The following GTF3C2 variants were observed in gnomAD, a reference collection of about 807,000 sequenced individuals.
GTF3C2 encodes general transcription factor IIIC subunit 2, also known as general transcription factor 3C polypeptide 2.
Under a neutral mutation model 117.4 loss-of-function variants are expected in GTF3C2, and 17 were observed. That is an observed-to-expected ratio of 0.14 (90% confidence interval 0.10 to 0.22). The LOEUF is 0.22. Ranked by LOEUF, GTF3C2 falls within the 10% of genes least tolerant of loss-of-function variation. GTF3C2 has a pLI of 1.00. For missense variants in GTF3C2, 888 were observed against 1,143.6 expected (o/e 0.78, Z 3.22); for synonymous variants, 437 against 427.0 (o/e 1.02, Z -0.29).
At chr2:27,333,222 G>A (rs946234669) in intron 12 of GTF3C2, among the ~76,000 whole-genome samples, 25 of 145,600 alleles carry the variant, frequency 1.7e-4, no homozygotes, top group Non-Finnish European at 2.8e-4. Context: ...GTGCAGGGGT[G>A]TGATCTTGGC....
intron 1 of GTF3C2, among the ~76,000 whole-genome samples, chr2:27,349,903 G>T (rs1391390433): frequency 1.3e-5 from 2 of 152,060 alleles, no homozygotes; most frequent in Non-Finnish European, 1.5e-5. Flanking sequence ...GTTTCCCAAA[G>T]TGCTGGGATT....
At position 27,335,346 on chromosome 2, in the gene GTF3C2, A is replaced by T. The variant is rs770171354; in HGVS notation, c.1576+252T>A. Reference sequence around the variant, plus strand: ...AGTTACCTGTGGCAGCAAGAGGGGGAAAGTCTTGAGAGCACAGAAGAGGGA... The same window carrying T: ...AGTTACCTGTGGCAGCAAGAGGGGGTAAGTCTTGAGAGCACAGAAGAGGGA... On this transcript the variant is annotated intron_variant, in intron 10 of 18. Coordinates refer to ENST00000264720, the Ensembl canonical transcript of GTF3C2. The T allele has an allele frequency of 8.0e-6, 5 of 623,342 alleles. No individual in the cohort carries two copies. In the Admixed American group the frequency reaches 1.1e-4, roughly 13 times the overall value. The allele number at this position is 623,342 out of a possible 1,614,324, so 38.6% of individuals were successfully genotyped here. A position where few individuals can be genotyped will look rare whatever the true frequency, so the allele number is the denominator to read the frequency against.
chr2:27,341,262 C>T (rs1316167964), intron 4 of GTF3C2, among the ~76,000 whole-genome samples: 2 of 151,024 alleles, frequency 1.3e-5, no homozygotes, highest in East Asian at 4.0e-4. Context: ...TCTCAAACTC[C>T]TGACCTCGGG....
intron 12 of GTF3C2, 137 bp downstream of exon 12, chr2:27,333,517 AT>A (rs375899425): frequency 0.18 from 86,135 of 472,766 alleles, 43 homozygotes; most frequent in South Asian, 0.22. Flanking sequence ...ATTTCTTTCT[AT>A]TTTTTTTTTT....
chr2:27,350,948 CAA>C (rs1179397836), intron 1 of GTF3C2, among the ~76,000 whole-genome samples: 45 of 97,272 alleles, frequency 4.6e-4, no homozygotes, highest in Middle Eastern at 6.1e-3. Context: ...GACTCCATCT[CAA>C]AAAAAAAAAA....
At chr2:27,327,049 T>G in intron 18 of GTF3C2, 128 bp downstream of exon 18, 1 of 671,776 alleles carries the variant, frequency 1.5e-6, no homozygotes. Context: ...GTGAATGAGG[T>G]ACGTCTGTCA....
intron 1 of GTF3C2, among the ~76,000 whole-genome samples, chr2:27,349,139 ATTTGAT>A (rs545450704): frequency 0.38 from 47,179 of 125,610 alleles, 8,243 homozygotes; most frequent in Admixed American, 0.42. Flanking sequence ...GCCCAGCCTG[ATTTGAT>A]TTTTTTTTTT....
exon 10 of GTF3C2, chr2:27,335,617 C>T (rs1680438020): frequency 1.3e-6 from 2 of 1,550,948 alleles, no homozygotes; most frequent in Non-Finnish European, 8.7e-7. Context: ...GCTGAGCCAG[C>T]AGGGCCTCCG....
chr2:27,325,945 T>C (rs1183628533), exon 19 of GTF3C2: 9 of 200,816 alleles, frequency 4.5e-5, no homozygotes, highest in African/African-American at 2.1e-4. Flanking sequence ...ACAGGGAAGA[T>C]GACTAGATTT....
rs750307991 is a variant in GTF3C2 at position 27,343,304 on chromosome 2, A to G, written c.247+4T>C. 5 of 1,613,676 alleles carry G rather than the reference A, an allele frequency of 3.1e-6. No individual in the cohort carries two copies. The East Asian group carries it at 1.1e-4, about 36-fold the overall frequency. ...ATAAAAAGATAAGAGGACAAGGTAC[A>G]TACCTGGCTGTTCCAGTCTGGAGAG... On this transcript the variant is annotated splice_donor_region_variant and intron_variant, in intron 2 of 18. Coordinates refer to ENST00000264720, the Ensembl canonical transcript of GTF3C2.
intron 1 of GTF3C2, among the ~76,000 whole-genome samples, chr2:27,351,103 C>A (rs919105883): frequency 6.6e-6 from 1 of 151,760 alleles, no homozygotes; most frequent in African/African-American, 2.4e-5. Flanking sequence ...CAGAGCAAGA[C>A]CCTGTATCTA....
intron 9 of GTF3C2, 105 bp downstream of exon 9, chr2:27,335,812 C>T (rs1680447344): frequency 9.4e-7 from 1 of 1,060,440 alleles, no homozygotes; most frequent in African/African-American, 1.6e-5. Flanking sequence ...GGAAAAACTC[C>T]ATCCACTACA....
At chr2:27,334,097 C>G in intron 10 of GTF3C2, 98 bp from the exon 11 acceptor site, 1 of 836,950 alleles carries the variant, frequency 1.2e-6, no homozygotes, top group South Asian at 1.4e-5. Flanking sequence ...ATGATCATGG[C>G]TCACTGCAGC....
At chr2:27,328,320 A>T in intron 16 of GTF3C2, 131 bp from the exon 17 acceptor site, 1 of 1,018,754 alleles carries the variant, frequency 9.8e-7, no homozygotes, top group South Asian at 1.5e-5. Context: ...CAGATGCAGT[A>T]CGGTAGGGAA....
intron 1 of GTF3C2, among the ~76,000 whole-genome samples, chr2:27,346,320 A>C (rs1407386853): frequency 8.3e-6 from 1 of 120,618 alleles, no homozygotes; most frequent in Non-Finnish European, 1.7e-5. Context: ...CACCGTGCCC[A>C]TTCTGATACC....
intron 6 of GTF3C2, 49 bp downstream of exon 6, chr2:27,337,432 T>G: frequency 6.8e-7 from 1 of 1,467,868 alleles, no homozygotes; most frequent in African/African-American, 1.4e-5. Context: ...CCCTTTCGTC[T>G]CCAGTGGTGT....
exon 5 of GTF3C2, chr2:27,337,928 G>A (rs745923298): frequency 1.3e-5 from 21 of 1,572,946 alleles, no homozygotes; most frequent in South Asian, 1.1e-5. Context: ...AGTCTCACAA[G>A]TCCTTGGTGA....
intron 1 of GTF3C2, 143 bp from the exon 2 acceptor site, chr2:27,343,721 G>A: frequency 1.5e-6 from 1 of 674,328 alleles, no homozygotes. Flanking sequence ...TATTTACTAA[G>A]CACCTTCTAT....
rs1038615466 is a variant in GTF3C2 at position 27,329,057 on chromosome 2, G to A, written c.2039+64C>T. 2 of 1,561,020 alleles carry A rather than the reference G, an allele frequency of 1.3e-6. No homozygotes were observed. Among genetic ancestry groups the A allele is most frequent in the African/African-American group, 2.7e-5 (2 of 73,808 alleles). On this transcript the variant is annotated intron_variant, in intron 14 of 18. Coordinates refer to ENST00000264720, the Ensembl canonical transcript of GTF3C2. This position sits in a 1 kb window ranked among gnomAD's most constrained non-coding sequence, Gnocchi z 4.5. Reference sequence around the variant, plus strand: ...TACCCTCCTCTCCCCACAACAATCTGGCATGCTTTGCATTCCAACCCTTAG... The same window carrying A: ...TACCCTCCTCTCCCCACAACAATCTAGCATGCTTTGCATTCCAACCCTTAG...
Sources: allele counts gnomAD v4.1 joint callset (sites outside exome capture counted in the v4.1 genomes callset), GRCh38; gene constraint gnomAD v4.1.1; non-coding constraint Gnocchi (gnomAD v3.1); transcripts MANE v1.5; gene names NCBI Gene and HGNC (gene_info 2026-07-23, HGNC 2026-07-21).